The following GMPS variants were observed in gnomAD, a reference collection of about 807,000 sequenced individuals.
GMPS encodes the protein guanosine monophosphate synthase, also known as GMP synthase [glutamine-hydrolyzing].
In GMPS, 15 loss-of-function variants were observed where a neutral mutation model predicts 77.9. The ratio of observed to expected loss-of-function variants is 0.19; its 90% CI spans 0.13 to 0.30. GMPS has a LOEUF of 0.30. GMPS is among the 10% of genes least tolerant of loss of function. The pLI is 1.00. For synonymous variants in GMPS, 224 were observed against 275.9 expected (o/e 0.81, Z 1.86); for missense variants, 590 against 838.8 (o/e 0.70, Z 3.66).
chr3:155,921,042 G>A (rs1755306806), intron 10 of GMPS, among the ~76,000 whole-genome samples: 1 of 152,158 alleles, frequency 6.6e-6, no homozygotes, highest in Non-Finnish European at 1.5e-5. Flanking sequence ...AGGAGTTCCA[G>A]ACCAGCCTGG....
At chr3:155,915,591 G>A (rs950607210) in intron 8 of GMPS, among the ~76,000 whole-genome samples, 18 of 151,740 alleles carry the variant, frequency 1.2e-4, no homozygotes, top group African/African-American at 3.4e-4. Flanking sequence ...TAGTAGAGAC[G>A]GGGTTTCACC....
chr3:155,932,287 C>CAT (rs1755644268), intron 13 of GMPS, among the ~76,000 whole-genome samples: 1 of 151,226 alleles, frequency 6.6e-6, no homozygotes, highest in Admixed American at 6.6e-5. Flanking sequence ...AACACACACA[C>CAT]ACACACACAC....
chr3:155,888,203 A>C (rs1754381250), intron 1 of GMPS, among the ~76,000 whole-genome samples: 1 of 122,274 alleles, frequency 8.2e-6, no homozygotes, highest in Non-Finnish European at 1.7e-5. Context: ...TAAAATACCC[A>C]AAGGCTTTTT....
chr3:155,898,620 A>T (rs552518212), intron 3 of GMPS, among the ~76,000 whole-genome samples: 1 of 152,336 alleles, frequency 6.6e-6, no homozygotes, highest in Admixed American at 6.5e-5. Context: ...TTCAGTCTGA[A>T]ATAGTTCCTC....
In GMPS at chr3:155,922,191, TG is replaced by T; in HGVS notation, c.1325del (p.Gly442AlafsTer6). The T allele has an allele frequency of 7.0e-7, 1 of 1,425,576 alleles. No individual in the cohort carries two copies. Among genetic ancestry groups the T allele is most frequent in the Non-Finnish European group, 9.6e-7 (1 of 1,042,648 alleles). The allele number at this position is 1,425,576 out of a possible 1,614,324, so 88.3% of individuals were successfully genotyped here. ...TATTATTACTCCTACCTTTAGGTCC[TG>T]GCCTGGCAATCAGAGTAATATGTGC... is the stretch of plus-strand genomic sequence containing the variant. The part of the protein sequence containing the change: ...LVSRHPFPGP[G>X]LAIRVICAEE... On this transcript the variant is annotated frameshift_variant, in exon 11 of 16. Coordinates refer to ENST00000496455, the MANE Select transcript of GMPS (RefSeq NM_003875.3). LOFTEE classifies it high-confidence loss of function.
intron 5 of GMPS, 23 bp downstream of exon 5, chr3:155,906,286 A>G (rs530063612): frequency 1.4e-6 from 2 of 1,474,436 alleles, no homozygotes; most frequent in African/African-American, 1.4e-5. Flanking sequence ...AAAATTTTGC[A>G]GAGTTCATTT....
intron 9 of GMPS, among the ~76,000 whole-genome samples, chr3:155,918,805 A>G (rs991174352): frequency 6.6e-6 from 1 of 152,002 alleles, no homozygotes; most frequent in Non-Finnish European, 1.5e-5. Context: ...AATGTTCTTT[A>G]TATATTCTGG....
intron 2 of GMPS, among the ~76,000 whole-genome samples, chr3:155,894,583 T>TA (rs1420613124): frequency 1.3e-5 from 2 of 152,194 alleles, no homozygotes; most frequent in African/African-American, 4.8e-5. Flanking sequence ...TTAAGACTGT[T>TA]ACGTAGAAGC....
chr3:155,923,095 G>T (rs551795140), intron 11 of GMPS, among the ~76,000 whole-genome samples: 1 of 152,140 alleles, frequency 6.6e-6, no homozygotes, highest in African/African-American at 2.4e-5. Context: ...GACTTTACTG[G>T]AATTAACAAG....
rs1162316131 is a variant in GMPS at position 155,898,045 on chromosome 3, T to A, written c.324+4T>A. ...TGGAATTTGCTATGGTATGCAGGTA[T>A]GTCAGCAAATTTGTTTTGAAAGCTT... is the stretch of plus-strand genomic sequence containing the variant. On this transcript the variant is annotated splice_donor_region_variant and intron_variant, in intron 3 of 15. Transcript: ENST00000496455. The A allele has an allele frequency of 1.4e-6, 2 of 1,414,016 alleles. No homozygotes were observed. The highest frequency in any genetic ancestry group is 3.3e-5 in the Admixed American group (2 of 59,790). 87.6% of individuals were successfully genotyped at this position (1,414,016 alleles called of 1,614,324 possible).
chr3:155,900,607 G>A (rs1754712901), intron 3 of GMPS, among the ~76,000 whole-genome samples: 1 of 152,104 alleles, frequency 6.6e-6, no homozygotes, highest in Non-Finnish European at 1.5e-5. Flanking sequence ...TAATGGCTTA[G>A]TGTTTCCCCA....
At chr3:155,925,448 A>G in intron 12 of GMPS, 82 bp downstream of exon 12, 1 of 1,159,108 alleles carries the variant, frequency 8.6e-7, no homozygotes, top group Non-Finnish European at 1.2e-6. Flanking sequence ...TGTGTTGCCC[A>G]GGCTGGAGCG....
At chr3:155,878,161 A>T (rs920412041) in intron 1 of GMPS, among the ~76,000 whole-genome samples, 1 of 152,168 alleles carries the variant, frequency 6.6e-6, no homozygotes, top group Admixed American at 6.5e-5. Flanking sequence ...CTCACCTCTT[A>T]ATATTATCAC....
upstream of GMPS, among the ~76,000 whole-genome samples, chr3:155,869,537 C>T (rs1378706362): frequency 1.3e-5 from 2 of 152,156 alleles, no homozygotes; most frequent in East Asian, 1.9e-4. Context: ...TTAAGCCTTT[C>T]GTTTTTGTAA....
chr3:155,904,588 C>CGAAGATTATTATTTTTCAAAG (rs1754824893), intron 4 of GMPS, among the ~76,000 whole-genome samples: 1 of 151,960 alleles, frequency 6.6e-6, no homozygotes, highest in African/African-American at 2.4e-5. Context: ...TGCACCCTGC[C>CGAAGATTATTATTTTTCAAAG]GAAGATTATT....
At position 155,897,942 on chromosome 3, in the gene GMPS, TG is replaced by T; in HGVS notation, c.227del (p.Gly76GlufsTer34). 2 of 1,559,378 alleles carry T rather than the reference TG, an allele frequency of 1.3e-6. No homozygotes were observed. The highest frequency in any genetic ancestry group is 1.8e-6 in the Non-Finnish European group (2 of 1,130,142). ...TAAATCACAGTGCTATTATCATCTC[TG>T]GAGGACCTAATTCTGTGTATGCTGA... Reference protein sequence around the residue: ...EQGFRAIIISGGPNSVYAEDA... With the variant: ...EQGFRAIIISXGPNSVYAEDA... On this transcript the variant is annotated frameshift_variant, in exon 3 of 16. Coordinates refer to ENST00000496455, the MANE Select transcript of GMPS (RefSeq NM_003875.3). LOFTEE classifies it high-confidence loss of function.
rs35377438 is a variant in GMPS, at chr3:155,915,162, A to T, written c.1038+592A>T. On this transcript the variant is annotated intron_variant, in intron 8 of 15. Transcript: ENST00000496455. ...TAAGAGTAGATGTATTCAGCTTATC[A>T]TAGACTTTAATTCATTGATTATCTC... 3.4e-3 allele frequency among the ~76,000 whole-genome samples: 519 copies of T among 152,114 alleles called. 4 individuals are homozygous for T. Among genetic ancestry groups the T allele is most frequent in the Non-Finnish European group, 4.3e-3 (295 of 68,014 alleles).
chr3:155,911,014 C>G, intron 6 of GMPS, 100 bp from the exon 7 acceptor site: 1 of 1,130,646 alleles, frequency 8.8e-7, no homozygotes, highest in Non-Finnish European at 1.3e-6. Context: ...CCATACATAT[C>G]TTTGGTATAA....
In GMPS at chr3:155,904,365, C is replaced by T. The variant is rs371689937; in HGVS notation, c.422+405C>T. ...AGTGCAGTGGCACCATCTCAGCTCA[C>T]TGCAACGTCCGCCTCCTGGGTTCAA... On this transcript the variant is annotated intron_variant, in intron 4 of 15. Transcript: ENST00000496455. Among the ~76,000 whole-genome samples, 3 of 151,890 alleles carry T rather than the reference C, an allele frequency of 2.0e-5. No homozygotes were observed. In the South Asian group the frequency reaches 6.2e-4, roughly 32 times the overall value.
Sources: allele counts gnomAD v4.1 joint callset (sites outside exome capture counted in the v4.1 genomes callset), GRCh38; gene constraint gnomAD v4.1.1; transcripts MANE v1.5; gene names NCBI Gene and HGNC (gene_info 2026-07-23, HGNC 2026-07-21).